Variants in CDK5RAP1 observed in about 807,000 individuals in gnomAD.
The protein encoded by CDK5RAP1 is CDK5RAP1 mitochondrial tRNA methylthiotransferase, also known as mitochondrial tRNA methylthiotransferase CDK5RAP1.
Under a neutral mutation model 64.5 loss-of-function variants are expected in CDK5RAP1, and 62 were observed. The ratio of observed to expected loss-of-function variants is 0.96; its 90% CI spans 0.78 to 1.19. CDK5RAP1 has a LOEUF of 1.19. CDK5RAP1 is among the 50% of genes most tolerant of loss of function. The pLI is 0.00. For missense variants in CDK5RAP1, 657 were observed against 735.0 expected (o/e 0.89, Z 1.23); for synonymous variants, 250 against 261.9 (o/e 0.95, Z 0.44).
Position 33,372,678 on chromosome 20 carries a change from C to T in CDK5RAP1, c.1225G>A (p.Val409Met). 6.3e-7 allele frequency: 1 copy of T among 1,582,906 alleles called. No individual in the cohort carries two copies. Among genetic ancestry groups the T allele is most frequent in the Non-Finnish European group, 8.6e-7 (1 of 1,166,952 alleles). Residue 409 changes from valine to methionine, a missense_variant, in exon 10 of 14, where the codon GTG becomes ATG. Physicochemically the swap from Val to Met is conservative, Grantham distance 21 (BLOSUM62 1). Coordinates refer to ENST00000346416, the MANE Select transcript of CDK5RAP1 (RefSeq NM_016408.4). ...TCTCTAATATGGTGAACTAACTCCA[C>T]ATAAGCTTCTCTTGAATATCTGCAA... ...MRRGYSREAY[V>M]ELVHHIRESI...
At chr20:33,397,264 C>A (rs1988994262) in intron 1 of CDK5RAP1, among the ~76,000 whole-genome samples, 180 bp from the exon 2 acceptor site, 1 of 152,204 alleles carries the variant, frequency 6.6e-6, no homozygotes, top group African/African-American at 2.4e-5. Flanking sequence ...CCCAAGACCA[C>A]ACAAAGGAGT....
chr20:33,384,599 G>A (rs554075746), intron 7 of CDK5RAP1, among the ~76,000 whole-genome samples: 121 of 152,220 alleles, frequency 7.9e-4, no homozygotes, highest in African/African-American at 2.9e-3. Context: ...GCAAACTGGT[G>A]ACTTAGAACT....
intron 4 of CDK5RAP1, among the ~76,000 whole-genome samples, chr20:33,393,213 G>A (rs762603321): frequency 2.0e-5 from 3 of 151,730 alleles, no homozygotes; most frequent in Admixed American, 1.3e-4. Context: ...GTAGATACAG[G>A]GCTTTACTTT....
At position 33,387,495 on chromosome 20, in the gene CDK5RAP1, T is replaced by C. The variant is rs868526836; in HGVS notation, c.583A>G (p.Arg195Gly). The change falls in exon 6 of 14, where the codon AGA becomes GGA. Residue 195 changes from arginine to glycine, a missense_variant. Transcript: ENST00000346416. ...GCCAAAATATCTACCATTTTCTCTC[T>C]GTTGAGAATCTCCTCCTTCAACCTC... ...AERLKEEILNREKMVDILAGP... is the reference protein window; with the variant it reads ...AERLKEEILNGEKMVDILAGP... 3.7e-6 allele frequency: 6 copies of C among 1,614,044 alleles called. No individual in the cohort carries two copies. Among genetic ancestry groups the C allele is most frequent in the Middle Eastern group, 1.6e-4 (1 of 6,084 alleles).
In CDK5RAP1 at chr20:33,396,805, G is replaced by A. The variant is rs1399095655; in HGVS notation, c.260C>T (p.Pro87Leu). 1 of 1,613,958 alleles carries A rather than the reference G, an allele frequency of 6.2e-7. No homozygotes were observed. Among genetic ancestry groups the A allele is most frequent in the African/African-American group, 1.3e-5 (1 of 74,914 alleles). ...EKLSSEVEDP[P>L]PYLMMDELLG... ...AAGTTCATCCATCATGAGATAGGGA[G>A]GTGGGTCTTCCACTTCTGAAGACAG... The change falls in exon 2 of 14, where the codon CCT (proline) becomes CTT (leucine). Residue 87 changes from proline (P) to leucine (L), a missense_variant. Pro to Leu is a moderately conservative substitution (Grantham distance 98, BLOSUM62 -3). Transcript: ENST00000346416.
Position 33,378,116 on chromosome 20 carries a change from G to C in CDK5RAP1, c.1107+1345C>G, listed in dbSNP as rs115768942. 9.7e-3 allele frequency among the ~76,000 whole-genome samples: 1,483 copies of C among 152,310 alleles called. 14 individuals carry two copies. Among genetic ancestry groups the C allele is most frequent in the African/African-American group, 0.033 (1,366 of 41,566 alleles). Reference sequence around the variant, plus strand: ...TTCAGCCTAGCTCGGCTTTCAACATGATTTCCTCAGTAAGCTTAAACATTT... The same window carrying C: ...TTCAGCCTAGCTCGGCTTTCAACATCATTTCCTCAGTAAGCTTAAACATTT... On this transcript the variant is annotated intron_variant, in intron 8 of 13. Transcript: ENST00000346416.
At chr20:33,395,958 G>A (rs1360919797) in intron 2 of CDK5RAP1, among the ~76,000 whole-genome samples, 3 of 152,068 alleles carry the variant, frequency 2.0e-5, no homozygotes, top group African/African-American at 7.3e-5. Context: ...AGGTTGCAGT[G>A]AGCTGAGATC....
chr20:33,385,057 A>G (rs763771641), intron 7 of CDK5RAP1, among the ~76,000 whole-genome samples: 24 of 152,292 alleles, frequency 1.6e-4, no homozygotes, highest in Non-Finnish European at 3.4e-4. Context: ...TAGCAGATTC[A>G]GGCCCGGGGC....
intron 8 of CDK5RAP1, among the ~76,000 whole-genome samples, chr20:33,374,937 G>A (rs781711113): frequency 4.3e-4 from 65 of 151,804 alleles, no homozygotes; most frequent in Non-Finnish European, 7.2e-4. Flanking sequence ...GGCCAAGGCA[G>A]GAGGATTGCT....
At position 33,374,145 on chromosome 20, in the gene CDK5RAP1, C is replaced by T. The variant is rs1255717711; in HGVS notation, c.1175G>A (p.Ser392Asn). Residue 392 changes from serine to asparagine, a missense_variant, in exon 9 of 14, where the codon AGC becomes AAC. Transcript: ENST00000346416. ...CCGCATGGCCTCCAACACACGGCTG[C>T]TTCCACTCTGGGCTGGCAGGTGGAT... ...KQIHLPAQSG[S>N]SRVLEAMRRG... 1 of 1,613,892 alleles carries T rather than the reference C, an allele frequency of 6.2e-7. No homozygotes were observed. Among genetic ancestry groups the T allele is most frequent in the South Asian group, 1.1e-5 (1 of 91,078 alleles).
intron 1 of CDK5RAP1, among the ~76,000 whole-genome samples, chr20:33,400,707 C>A (rs1989326061): frequency 1.3e-5 from 2 of 152,012 alleles, no homozygotes; most frequent in African/African-American, 4.8e-5. Context: ...CCTAGCTACC[C>A]AGGAGGCTGA....
At chr20:33,366,273 C>T (rs1442415601) in intron 12 of CDK5RAP1, among the ~76,000 whole-genome samples, 1 of 138,354 alleles carries the variant, frequency 7.2e-6, no homozygotes, top group Non-Finnish European at 1.5e-5. Flanking sequence ...AAGCCAAGAT[C>T]ATGCCACTGC....
chr20:33,379,614 T>C lies in CDK5RAP1; in HGVS notation c.954A>G (p.Ala318=). The C allele has an allele frequency of 1.9e-6, 3 of 1,614,114 alleles. No homozygotes were observed. The highest frequency in any genetic ancestry group is 2.2e-5 in the South Asian group (2 of 91,078). Residue 318 remains alanine, a synonymous_variant, in exon 8 of 14, where the codon GCA becomes GCG. Coordinates refer to ENST00000346416, the MANE Select transcript of CDK5RAP1 (RefSeq NM_016408.4). ...AGCCACGACTGAGATTGGTAGGCAC[T>C]GCACTGTTGAACTGGACCTCCGAAT... ...RDNSEVQFNS[A]VPTNLSRGFT...
At chr20:33,372,598 C>A (rs1262851651) in intron 10 of CDK5RAP1, 44 bp downstream of exon 10, 4 of 1,111,622 alleles carry the variant, frequency 3.6e-6, no homozygotes, top group Non-Finnish European at 1.3e-6. Context: ...AGGCTGGTCA[C>A]TGGTAGAGTA....
intron 7 of CDK5RAP1, among the ~76,000 whole-genome samples, chr20:33,384,342 T>C (rs1469260705): frequency 6.6e-6 from 1 of 152,176 alleles, no homozygotes; most frequent in Non-Finnish European, 1.5e-5. Flanking sequence ...CTAGAAAGGT[T>C]GGGGAGTTTT....
intron 6 of CDK5RAP1, among the ~76,000 whole-genome samples, chr20:33,386,147 T>C (rs1303749408): frequency 6.6e-6 from 1 of 152,194 alleles, no homozygotes; most frequent in Non-Finnish European, 1.5e-5. Context: ...CACTGCAACC[T>C]CCACCTCCCA....
intron 12 of CDK5RAP1, among the ~76,000 whole-genome samples, chr20:33,362,351 A>G (rs1227769884): frequency 2.0e-5 from 3 of 152,248 alleles, no homozygotes; most frequent in African/African-American, 4.8e-5. Context: ...CAACAGAATG[A>G]TATCTCCAAA....
Position 33,372,813 on chromosome 20 carries a change from G to A in CDK5RAP1, c.1206-116C>T, listed in dbSNP as rs759116091. ...TAATCACTTCTCATCCACATGGCAGGGCACACGAGTAAATTAAAGTATCCA... is the reference window on the plus strand; with the variant it reads ...TAATCACTTCTCATCCACATGGCAGAGCACACGAGTAAATTAAAGTATCCA... On this transcript the variant is annotated intron_variant, in intron 9 of 13. Coordinates refer to ENST00000346416, the MANE Select transcript of CDK5RAP1 (RefSeq NM_016408.4). 4.4e-6 allele frequency: 3 copies of A among 676,670 alleles called. No individual in the cohort carries two copies. In the African/African-American group the frequency reaches 5.5e-5, roughly 12 times the overall value. 41.9% of individuals were successfully genotyped at this position (676,670 alleles called of 1,614,324 possible). A position where few individuals can be genotyped will look rare whatever the true frequency, so the allele number is the denominator to read the frequency against.
chr20:33,388,151 T>C (rs1234062723), intron 5 of CDK5RAP1, among the ~76,000 whole-genome samples: 1 of 152,006 alleles, frequency 6.6e-6, no homozygotes, highest in Non-Finnish European at 1.5e-5. Context: ...AATTACTTAG[T>C]GCTGAAATAA....
Sources: gnomAD v4.1 joint callset for allele counts (sites outside exome capture counted in the v4.1 genomes callset) on GRCh38, gnomAD v4.1.1 for gene constraint, MANE v1.5 for transcripts, NCBI Gene and HGNC (gene_info 2026-07-23, HGNC 2026-07-21) for gene names.